Variants in SNX4 observed in about 807,000 individuals in gnomAD.
The protein encoded by SNX4 is sorting nexin 4.
A neutral mutation model predicts 70.8 loss-of-function variants in SNX4; 49 were observed. That is an observed-to-expected ratio of 0.69 (90% CI 0.55 to 0.88). The LOEUF (loss-of-function observed/expected upper bound fraction) is 0.88, where lower values mean the gene tolerates loss of function less well. Among genes scored for constraint, SNX4 ranks in the 40% least tolerant of loss-of-function variants. The pLI, the probability that SNX4 is intolerant of heterozygous loss-of-function variation, is 0.00. For synonymous variants in SNX4, 206 were observed against 183.8 expected (o/e 1.12, Z -0.98); for missense variants, 528 against 544.8 (o/e 0.97, Z 0.31).
At chr3:125,509,950 T>C (rs750913077) in intron 1 of SNX4, among the ~76,000 whole-genome samples, 2 of 151,926 alleles carry the variant, frequency 1.3e-5, no homozygotes, top group East Asian at 1.9e-4. Flanking sequence ...AAACAAACAA[T>C]AGAAAATCAG....
chr3:125,519,969 G>GCCCCC, intron 1 of SNX4, 63 bp downstream of exon 1: 11 of 841,242 alleles, frequency 1.3e-5, no homozygotes, highest in Non-Finnish European at 1.5e-5. Flanking sequence ...GCCCAGCCCA[G>GCCCCC]CCCAGCCCGG....
intron 6 of SNX4, among the ~76,000 whole-genome samples, chr3:125,488,453 C>G: frequency 6.6e-6 from 1 of 151,784 alleles, no homozygotes; most frequent in South Asian, 2.1e-4. Flanking sequence ...CCAGCCTGGG[C>G]GACAGAGCAA....
intron 1 of SNX4, among the ~76,000 whole-genome samples, chr3:125,506,776 T>TTA (rs1935051129): frequency 8.5e-6 from 1 of 117,704 alleles, no homozygotes; most frequent in Non-Finnish European, 1.6e-5. Context: ...AGTAATCATC[T>TTA]TATAGATGCT....
chr3:125,484,720 A>G (rs2107548467), intron 6 of SNX4, among the ~76,000 whole-genome samples: 1 of 152,086 alleles, frequency 6.6e-6, no homozygotes, highest in Middle Eastern at 3.4e-3. Context: ...GGCTAGGTGC[A>G]GTGGCTCACA....
chr3:125,470,642 A>G (rs7638521), intron 8 of SNX4, among the ~76,000 whole-genome samples: 76,811 of 151,770 alleles, frequency 0.51, 19,970 homozygotes, highest in African/African-American at 0.63. Flanking sequence ...ATTAAAAAAA[A>G]GAAAAGACTC....
chr3:125,473,387 T>C (rs1934221508), intron 8 of SNX4, among the ~76,000 whole-genome samples: 2 of 152,136 alleles, frequency 1.3e-5, no homozygotes, highest in Admixed American at 6.5e-5. Flanking sequence ...ACTTACCCAT[T>C]TTCCCCCTTC....
intron 1 of SNX4, among the ~76,000 whole-genome samples, chr3:125,506,985 T>G (rs933768950): frequency 6.6e-6 from 1 of 150,824 alleles, no homozygotes; most frequent in African/African-American, 2.4e-5. Flanking sequence ...GCAGGTCACC[T>G]GAGGTCAGGA....
In SNX4 at chr3:125,520,087, GC is replaced by G. The variant is rs1307529636; in HGVS notation, c.85del (p.Ala29LeufsTer20). On this transcript the variant is annotated frameshift_variant, in exon 1 of 14. Coordinates refer to ENST00000251775, the MANE Select transcript of SNX4 (RefSeq NM_003794.4). LOFTEE classifies it high-confidence loss of function. ...CCCCTCCGCTTCCTTGCCGACCGCA[GC>G]CCCCAGCCCAGCGTCTGGGGAGCCC... ...PLGSPDAGLGAAVGKEAEGAG... is the reference protein window; with the variant it reads ...PLGSPDAGLGXAVGKEAEGAG... 4 of 1,534,924 alleles carry G rather than the reference GC, an allele frequency of 2.6e-6. No homozygotes were observed. The highest frequency in any genetic ancestry group is 2.8e-5 in the East Asian group (1 of 36,156).
chr3:125,486,495 G>A (rs769833511), intron 6 of SNX4, among the ~76,000 whole-genome samples: 2 of 152,096 alleles, frequency 1.3e-5, no homozygotes, highest in African/African-American at 2.4e-5. Flanking sequence ...GCGTGGTGGC[G>A]GGTGCCTATA....
intron 6 of SNX4, among the ~76,000 whole-genome samples, chr3:125,481,053 C>T (rs1019648670): frequency 6.6e-6 from 1 of 152,094 alleles, no homozygotes; most frequent in African/African-American, 2.4e-5. Flanking sequence ...CTATTAACAC[C>T]CTGTCAATAT....
intron 8 of SNX4, among the ~76,000 whole-genome samples, chr3:125,473,127 T>C (rs1313620506): frequency 6.6e-6 from 1 of 152,122 alleles, no homozygotes; most frequent in Admixed American, 6.6e-5. Context: ...AATGAGCCCA[T>C]CACCCACACA....
intron 9 of SNX4, among the ~76,000 whole-genome samples, chr3:125,465,518 G>A (rs984117703): frequency 2.0e-5 from 3 of 152,066 alleles, no homozygotes; most frequent in Non-Finnish European, 4.4e-5. Flanking sequence ...CAAAGTGCTG[G>A]GATTACAGGT....
chr3:125,474,386 T>C (rs1430073719), intron 8 of SNX4, among the ~76,000 whole-genome samples: 1 of 152,162 alleles, frequency 6.6e-6, no homozygotes. Flanking sequence ...GGTGTGATCA[T>C]AGCTCACTAT....
At chr3:125,461,455 G>C (rs1933881270) in intron 9 of SNX4, among the ~76,000 whole-genome samples, 1 of 152,114 alleles carries the variant, frequency 6.6e-6, no homozygotes, top group African/African-American at 2.4e-5. Flanking sequence ...TTCATAGGCA[G>C]TTTAAGAAGC....
At chr3:125,487,225 C>A (rs1296011941) in intron 6 of SNX4, among the ~76,000 whole-genome samples, 2 of 151,944 alleles carry the variant, frequency 1.3e-5, no homozygotes, top group African/African-American at 4.8e-5. Flanking sequence ...TAACAATGAC[C>A]AATATACACA....
At chr3:125,497,125 G>A (rs998515629) in intron 5 of SNX4, among the ~76,000 whole-genome samples, 2 of 149,530 alleles carry the variant, frequency 1.3e-5, no homozygotes, top group African/African-American at 2.5e-5. Flanking sequence ...TTCTTTCCCT[G>A]TAGAATAAAT....
At chr3:125,517,227 T>C (rs1935302030) in intron 1 of SNX4, 1 of 152,202 alleles carries the variant, frequency 6.6e-6, no homozygotes, top group Admixed American at 6.5e-5. Context: ...CAGGTGAACC[T>C]AGATTCAAAT....
rs1559806534 is a variant in SNX4, at chr3:125,447,834, TA to T, written c.1306-9del. The T allele has an allele frequency of 6.4e-7, 1 of 1,565,450 alleles. No individual in the cohort carries two copies. On this transcript the variant is annotated splice_polypyrimidine_tract_variant and intron_variant, in intron 13 of 13. Coordinates refer to ENST00000251775, the MANE Select transcript of SNX4 (RefSeq NM_003794.4). Reference sequence around the variant, plus strand: ...GGTCCAAACTTGAATTCCCTAAAAATAAAAATAAAAACTTTAAAATGTGAGT... The same window carrying T: ...GGTCCAAACTTGAATTCCCTAAAAATAAAATAAAAACTTTAAAATGTGAGT...
At chr3:125,504,514 G>A (rs1044526834) in intron 2 of SNX4, 109 bp downstream of exon 2, 22 of 1,000,616 alleles carry the variant, frequency 2.2e-5, no homozygotes, top group African/African-American at 1.4e-4. Flanking sequence ...AGTCAATCCC[G>A]AAAAAAAAAA....
Sources: gnomAD v4.1 joint callset for allele counts (sites outside exome capture counted in the v4.1 genomes callset) on GRCh38, gnomAD v4.1.1 for gene constraint, MANE v1.5 for transcripts, NCBI Gene and HGNC (gene_info 2026-07-23, HGNC 2026-07-21) for gene names.